ZGPAT: variants seen among roughly 807,000 people sequenced by gnomAD.
ZGPAT encodes zinc finger CCCH-type and G-patch domain containing, also known as zinc finger CCCH-type with G patch domain-containing protein.
ZGPAT carries 39 observed loss-of-function variants against 47.9 expected under a neutral mutation model. The ratio of observed to expected loss-of-function variants is 0.81; its 90% CI spans 0.63 to 1.06. ZGPAT has a LOEUF of 1.06. Ranked by LOEUF, ZGPAT falls within the 50% of genes least tolerant of loss-of-function variation. ZGPAT has a pLI of 0.00. For synonymous variants in ZGPAT, 348 were observed against 292.9 expected (o/e 1.19, Z -1.92); for missense variants, 717 against 681.4 (o/e 1.05, Z -0.58).
At chr20:63,718,939 G>T (rs2091759150) in intron 2 of ZGPAT, among the ~76,000 whole-genome samples, 1 of 152,020 alleles carries the variant, frequency 6.6e-6, no homozygotes, top group Non-Finnish European at 1.5e-5. Context: ...GGTGGCAGGT[G>T]CCTGTAGTCC....
rs1307523731 is a variant in ZGPAT, at chr20:63,708,690, G to T, written c.110G>T (p.Arg37Leu). The T allele has an allele frequency of 6.2e-7, 1 of 1,612,766 alleles. No individual in the cohort carries two copies. The highest frequency in any genetic ancestry group is 2.2e-5 in the East Asian group (1 of 44,880). Reference sequence around the variant, plus strand: ...GATTCGTCTGAGCAGGCTGACCTGCGCCAGCTGCAGGGGGACCTGAAGGAG... The same window carrying T: ...GATTCGTCTGAGCAGGCTGACCTGCTCCAGCTGCAGGGGGACCTGAAGGAG... Reference protein sequence around the residue: ...GLDSSEQADLRQLQGDLKELI... With the variant: ...GLDSSEQADLLQLQGDLKELI... The change falls in exon 2 of 7, where the codon CGC (arginine) becomes CTC (leucine). Residue 37 changes from arginine to leucine, a missense_variant. Transcript: ENST00000355969.
At chr20:63,730,481 C>G (rs1423847482) in intron 2 of ZGPAT, 2 of 152,240 alleles carry the variant, frequency 1.3e-5, no homozygotes, top group East Asian at 3.8e-4. Flanking sequence ...GGCCTGTCCT[C>G]AGTTGCTCCT....
intron 3 of ZGPAT, 97 bp downstream of exon 3, chr20:63,733,449 C>T (rs899856202): frequency 1.8e-5 from 29 of 1,594,822 alleles, no homozygotes; most frequent in African/African-American, 1.7e-4. Flanking sequence ...GGTTGAGTGT[C>T]GGGACTCTGG....
chr20:63,733,342 A>G lies in ZGPAT; in HGVS notation c.708A>G (p.Ala236=). The G allele has an allele frequency of 1.2e-6, 2 of 1,611,682 alleles. No homozygotes were observed. The highest frequency in any genetic ancestry group is 8.5e-7 in the Non-Finnish European group (1 of 1,179,802). ...AKHQDGLWHA[A]RITDVDNGYY... is the part of the protein sequence containing the mutation. ...ACCAGGATGGCCTCTGGCACGCAGCACGCATCACCGGTGAGGCTGGCCGTG... is the reference window on the plus strand; with the variant it reads ...ACCAGGATGGCCTCTGGCACGCAGCGCGCATCACCGGTGAGGCTGGCCGTG... The change falls in exon 3 of 7, where the codon GCA becomes GCG. Residue 236 remains alanine, a synonymous_variant. Transcript: ENST00000355969.
chr20:63,717,312 T>A (rs545046424), intron 2 of ZGPAT, among the ~76,000 whole-genome samples: 1 of 151,502 alleles, frequency 6.6e-6, no homozygotes, highest in South Asian at 2.1e-4. Context: ...GTTATTGATT[T>A]GAGATCTCTT....
intron 2 of ZGPAT, among the ~76,000 whole-genome samples, chr20:63,709,799 C>T (rs1393688919): frequency 6.6e-6 from 1 of 151,878 alleles, no homozygotes; most frequent in South Asian, 2.1e-4. Context: ...CTGCCTCAGC[C>T]CCCCTAGGAG....
rs186987532 is a variant in ZGPAT, at chr20:63,716,706, G to A, written c.584+7542G>A. ...TGTTTTGTTTTTTTGTTTTTGAGAC[G>A]GAGTCTGTTTCTGTCTCCCAGGCTG... On this transcript the variant is annotated intron_variant, in intron 2 of 6. Coordinates refer to ENST00000355969, the MANE Select transcript of ZGPAT (RefSeq NM_181485.3). Among the ~76,000 whole-genome samples, 11 of 151,732 alleles carry A rather than the reference G, an allele frequency of 7.2e-5. No individual in the cohort carries two copies. The East Asian group carries it at 1.9e-3, about 27-fold the overall frequency.
At chr20:63,714,391 A>G (rs975906421) in intron 2 of ZGPAT, among the ~76,000 whole-genome samples, 1 of 144,450 alleles carries the variant, frequency 6.9e-6, no homozygotes, top group Non-Finnish European at 1.5e-5. Flanking sequence ...ATGCCACTCC[A>G]CTCCAGCCTG....
In ZGPAT at chr20:63,735,227, C is replaced by T. The variant is rs1283720157; in HGVS notation, c.1060C>T (p.Leu354=). 5.7e-6 allele frequency: 9 copies of T among 1,584,460 alleles called. No homozygotes were observed. Among genetic ancestry groups the T allele is most frequent in the African/African-American group, 1.4e-5 (1 of 73,762 alleles). The change falls in exon 6 of 7, where the codon CTG becomes TTG. Residue 354 remains leucine (L), a synonymous_variant. Transcript: ENST00000355969. ...TGTGGTGTTGCCTCGAGGGAAGTCG[C>T]TGGACCAGTGTGTGGAGACCCTGCA... ...HAVVLPRGKS[L]DQCVETLQKQ...
intron 2 of ZGPAT, among the ~76,000 whole-genome samples, chr20:63,715,072 G>A (rs569378368): frequency 1.3e-5 from 2 of 151,800 alleles, no homozygotes; most frequent in Admixed American, 6.6e-5. Context: ...GATAAAGCAC[G>A]CATATTCATG....
intron 2 of ZGPAT, among the ~76,000 whole-genome samples, chr20:63,732,824 G>A (rs768473781): frequency 6.6e-6 from 1 of 151,944 alleles, no homozygotes; most frequent in African/African-American, 2.4e-5. Flanking sequence ...ATGTGTACTT[G>A]TGTGTGCCTG....
intron 2 of ZGPAT, among the ~76,000 whole-genome samples, chr20:63,716,282 G>A (rs2091727873): frequency 2.0e-5 from 3 of 152,090 alleles, no homozygotes; most frequent in South Asian, 2.1e-4. Context: ...CACCCGCCTC[G>A]GCCTCACAAA....
chr20:63,732,926 A>G (rs992785721), intron 2 of ZGPAT, among the ~76,000 whole-genome samples: 1 of 151,562 alleles, frequency 6.6e-6, no homozygotes, highest in South Asian at 2.1e-4. Context: ...ATATGCCTGC[A>G]TGTATATGCA....
chr20:63,730,948 CTCTCTCTCTCTCTCTCTCTCTCTG>C (rs1166346481), intron 2 of ZGPAT, among the ~76,000 whole-genome samples: 16 of 147,154 alleles, frequency 1.1e-4, no homozygotes, highest in African/African-American at 4.3e-4. Context: ...CTCTCTCTCT[CTCTCTCTCTCTCTCTCTCTCTCTG>C]TGTGTGTGTG....
At chr20:63,717,513 A>G (rs1014144081) in intron 2 of ZGPAT, among the ~76,000 whole-genome samples, 1 of 151,420 alleles carries the variant, frequency 6.6e-6, no homozygotes, top group East Asian at 1.9e-4. Context: ...GAATGTAAGC[A>G]TTTACAGCTA....
In ZGPAT at chr20:63,730,970, C is replaced by CTCTCTCTCTCTG. The variant is rs1237935541; in HGVS notation, c.585-2248_585-2247insCTCTCTCTCTGT. ...TCTCTCTCTCTCTCTCTCTCTCTCT[C>CTCTCTCTCTCTG]TGTGTGTGTGTGTGTGTGTGTCTCG... is the stretch of plus-strand genomic sequence containing the variant. On this transcript the variant is annotated intron_variant, in intron 2 of 6. Transcript: ENST00000355969. Among the ~76,000 whole-genome samples the CTCTCTCTCTCTG allele has an allele frequency of 1.5e-4, 17 of 115,194 alleles. No homozygotes were observed. In the East Asian group the frequency reaches 2.4e-3, roughly 16 times the overall value. The allele number at this position is 115,194 out of a possible 152,430, so 75.6% of individuals were successfully genotyped here. A position where few individuals can be genotyped will look rare whatever the true frequency, so the allele number is the denominator to read the frequency against.
rs977728361 is a variant in ZGPAT, at chr20:63,733,761, C to A, written c.871+22C>A. 37 of 1,590,146 alleles carry A rather than the reference C, an allele frequency of 2.3e-5. No homozygotes were observed. The East Asian group carries it at 7.8e-4, about 34-fold the overall frequency. On this transcript the variant is annotated intron_variant, in intron 4 of 6. Transcript: ENST00000355969. Reference sequence around the variant, plus strand: ...AGAGGTATGGCAGCAGCTGCGGAGCCCAGGAGCCAGGAAGGTGGGGTCACC... The same window carrying A: ...AGAGGTATGGCAGCAGCTGCGGAGCACAGGAGCCAGGAAGGTGGGGTCACC...
At position 63,709,036 on chromosome 20, in the gene ZGPAT, G is replaced by A. The variant is rs758257371; in HGVS notation, c.456G>A (p.Val152=). The A allele has an allele frequency of 2.5e-6, 4 of 1,613,766 alleles. No homozygotes were observed. The highest frequency in any genetic ancestry group is 3.4e-6 in the Non-Finnish European group (4 of 1,180,022). The change falls in exon 2 of 7, where the codon GTG becomes GTA. Residue 152 remains valine (V), a synonymous_variant. Transcript: ENST00000355969. ...CTCTGGAGTATCACAACGCCATGGTGGTGGGAACGGAAGAGGCGGAGGATG... is the reference window on the plus strand; with the variant it reads ...CTCTGGAGTATCACAACGCCATGGTAGTGGGAACGGAAGAGGCGGAGGATG... The part of the protein sequence containing the change: ...WGTLEYHNAM[V]VGTEEAEDGS...
At chr20:63,717,332 CTTTTTTTTTTTT>C (rs1173734420) in intron 2 of ZGPAT, among the ~76,000 whole-genome samples, 4 of 60,954 alleles carry the variant, frequency 6.6e-5, no homozygotes, top group East Asian at 5.8e-4. Context: ...TTTTTCTTTT[CTTTTTTTTTTTT>C]TTTTTTTTTT....
Sources: gnomAD v4.1 joint callset for allele counts (sites outside exome capture counted in the v4.1 genomes callset) on GRCh38, gnomAD v4.1.1 for gene constraint, MANE v1.5 for transcripts, NCBI Gene and HGNC (gene_info 2026-07-23, HGNC 2026-07-21) for gene names.